KTN1: variants seen among roughly 807,000 people sequenced by gnomAD.
KTN1 encodes kinectin 1, also known as kinectin.
A neutral mutation model predicts 222.5 loss-of-function variants in KTN1; 130 were observed. The ratio of observed to expected loss-of-function variants is 0.58; its 90% CI spans 0.51 to 0.68. The LOEUF is 0.68. KTN1 is among the 30% of genes least tolerant of loss of function. The pLI is 0.00. For missense variants in KTN1, 1,508 were observed against 1,500.4 expected, an observed-to-expected ratio of 1.01 and a Z score of -0.08; for synonymous variants, 512 against 496.3, an observed-to-expected ratio of 1.03 and a Z score of -0.42.
chr14:55,661,477 C>A, intron 31 of KTN1, 45 bp from the exon 32 acceptor site: 1 of 997,024 alleles, frequency 1.0e-6, no homozygotes, highest in Non-Finnish European at 1.6e-6. Flanking sequence ...AGTTGTATTA[C>A]TGTTTACCTA....
At chr14:55,586,078 A>G (rs1322233513) in intron 1 of KTN1, among the ~76,000 whole-genome samples, 3 of 152,208 alleles carry the variant, frequency 2.0e-5, no homozygotes, top group Non-Finnish European at 4.4e-5. Flanking sequence ...TAAGGAAACA[A>G]TCTGGTCTGG....
At chr14:55,655,704 A>C (rs757881452) in intron 28 of KTN1, among the ~76,000 whole-genome samples, 1 of 152,224 alleles carries the variant, frequency 6.6e-6, no homozygotes, top group Non-Finnish European at 1.5e-5. Context: ...TGTAATTTCC[A>C]GGGTCAACAA....
rs762419392 is a variant in KTN1 at position 55,612,553 on chromosome 14, A to T, written c.505A>T (p.Lys169Ter). The T allele has an allele frequency of 2.5e-6, 4 of 1,582,276 alleles. No individual in the cohort carries two copies. The highest frequency in any genetic ancestry group is 3.4e-6 in the Non-Finnish European group (4 of 1,171,496). The change falls in exon 2 of 44, where the codon AAG (lysine) becomes TAG (stop). Residue 169 changes from lysine (K) to a stop codon, truncating the protein, a stop_gained. Transcript: ENST00000395314. LOFTEE classifies it high-confidence loss of function. ...AASKKKPGQK[K>*]SKNGSDDQDK... ...CTCGAAGAAGAAACCAGGGCAGAAG[A>T]AGTCTAAAAATGGAAGCGGTATTGT...
rs778103313 is a variant in KTN1 at position 55,616,577 on chromosome 14, C to T, written c.584C>T (p.Pro195Leu). The T allele has an allele frequency of 6.2e-7, 1 of 1,606,616 alleles. No homozygotes were observed. The highest frequency in any genetic ancestry group is 8.5e-7 in the Non-Finnish European group (1 of 1,177,446). The change falls in exon 3 of 44, where the codon CCC becomes CTC. Residue 195 changes from proline (P) to leucine (L), a missense_variant. Transcript: ENST00000395314. Reference protein sequence around the residue: ...MVPSKRQEALPLHQETKQESG... With the variant: ...MVPSKRQEALLLHQETKQESG... ...CCATCAAAAAGGCAAGAAGCATTGC[C>T]CCTCCACCAAGAGACTAAACAAGAA...
At chr14:55,636,801 T>G (rs552405794) in intron 10 of KTN1, among the ~76,000 whole-genome samples, 25 of 152,228 alleles carry the variant, frequency 1.6e-4, no homozygotes, top group African/African-American at 5.8e-4. Flanking sequence ...GTGTGTTTCT[T>G]TTCTGTAGTT....
Position 55,609,246 on chromosome 14 carries a change from T to C in KTN1, c.-30-2773T>C, listed in dbSNP as rs867397188. 5.9e-5 allele frequency among the ~76,000 whole-genome samples: 9 copies of C among 152,262 alleles called. No homozygotes were observed. The South Asian group carries it at 1.2e-3, about 21-fold the overall frequency. ...ACTCCGACTTATGAGTGAGAACATG[T>C]GGTGTTTGGTGTTCTGTTCCTGTGG... is the stretch of plus-strand genomic sequence containing the variant. On this transcript the variant is annotated intron_variant, in intron 1 of 43. Coordinates refer to ENST00000395314, the MANE Select transcript of KTN1 (RefSeq NM_001079521.2).
chr14:55,677,473 TAAAA>T (rs72424779), intron 41 of KTN1, among the ~76,000 whole-genome samples: 1 of 98,336 alleles, frequency 1.0e-5, no homozygotes, highest in Admixed American at 1.1e-4. Context: ...AAAGACTGTC[TAAAA>T]AAAAAAAAAA....
intron 9 of KTN1, among the ~76,000 whole-genome samples, chr14:55,634,956 A>AT (rs559526478): frequency 3.9e-5 from 6 of 152,056 alleles, no homozygotes; most frequent in Non-Finnish European, 7.4e-5. Flanking sequence ...CAAGAACAGC[A>AT]TGGGGGAAAC....
chr14:55,636,324 A>T, intron 9 of KTN1, 125 bp from the exon 10 acceptor site: 1 of 643,178 alleles, frequency 1.6e-6, no homozygotes, highest in East Asian at 2.8e-5. Context: ...AATGTAGGAG[A>T]CTAGTTGCAA....
At chr14:55,604,818 C>T (rs1323916598) in intron 1 of KTN1, among the ~76,000 whole-genome samples, 5 of 151,900 alleles carry the variant, frequency 3.3e-5, no homozygotes, top group African/African-American at 9.7e-5. Flanking sequence ...AGATTTCATA[C>T]AAAGGACATG....
chr14:55,583,054 A>G (rs2032091055), intron 1 of KTN1, among the ~76,000 whole-genome samples: 1 of 152,192 alleles, frequency 6.6e-6, no homozygotes, highest in African/African-American at 2.4e-5. Context: ...TCACTGGGAA[A>G]ATATTGGTCT....
chr14:55,634,767 A>G (rs2040922470), intron 9 of KTN1, 109 bp downstream of exon 9: 1 of 916,782 alleles, frequency 1.1e-6, no homozygotes, highest in Non-Finnish European at 1.6e-6. Context: ...TTTTAAGGAA[A>G]GAGGTTTAAT....
At chr14:55,656,181 C>T (rs201924932) in intron 29 of KTN1, 49 bp downstream of exon 29, 1 of 1,296,848 alleles carries the variant, frequency 7.7e-7, no homozygotes, top group South Asian at 1.3e-5. Context: ...ATTGTCTTTG[C>T]ATGCTTTAAA....
intron 1 of KTN1, among the ~76,000 whole-genome samples, chr14:55,592,209 T>C (rs1364793082): frequency 1.3e-5 from 2 of 152,234 alleles, no homozygotes; most frequent in African/African-American, 4.8e-5. Flanking sequence ...TGTTCTTGCA[T>C]GTTGTCTTAA....
At chr14:55,586,814 T>C (rs912707764) in intron 1 of KTN1, among the ~76,000 whole-genome samples, 1 of 152,210 alleles carries the variant, frequency 6.6e-6, no homozygotes, top group Non-Finnish European at 1.5e-5. Context: ...TTTAGTTATA[T>C]GGAAAGCAGT....
chr14:55,639,745 GA>G (rs1215515192), intron 13 of KTN1, among the ~76,000 whole-genome samples, 167 bp from the exon 14 acceptor site: 1 of 151,750 alleles, frequency 6.6e-6, no homozygotes, highest in Non-Finnish European at 1.5e-5. Flanking sequence ...GTATTTTAAG[GA>G]GTTATAGTAA....
At chr14:55,646,554 T>TCTC (rs2042379169) in intron 18 of KTN1, among the ~76,000 whole-genome samples, 1 of 116,206 alleles carries the variant, frequency 8.6e-6, no homozygotes, top group Non-Finnish European at 1.9e-5. Flanking sequence ...CCTTCTCTCT[T>TCTC]TCTCTCTCTT....
At chr14:55,593,321 T>TA (rs954272537) in intron 1 of KTN1, among the ~76,000 whole-genome samples, 1 of 151,882 alleles carries the variant, frequency 6.6e-6, no homozygotes, top group Non-Finnish European at 1.5e-5. Flanking sequence ...TGTTTTGGAT[T>TA]AAAAAAACTG....
intron 2 of KTN1, among the ~76,000 whole-genome samples, chr14:55,614,351 C>T (rs1368145785): frequency 1.3e-5 from 2 of 152,074 alleles, no homozygotes; most frequent in Admixed American, 6.6e-5. Flanking sequence ...AGATGTAGGC[C>T]TGAACTATGG....
Sources: gnomAD v4.1 joint callset for allele counts (sites outside exome capture counted in the v4.1 genomes callset) on GRCh38, gnomAD v4.1.1 for gene constraint, MANE v1.5 for transcripts, NCBI Gene and HGNC (gene_info 2026-07-23, HGNC 2026-07-21) for gene names.